GAK: variants seen among roughly 807,000 people sequenced by gnomAD.
The protein encoded by GAK is cyclin G associated kinase.
GAK carries 79 observed loss-of-function variants against 143.9 expected under a neutral mutation model. The ratio of observed to expected loss-of-function variants is 0.55; its 90% confidence interval spans 0.46 to 0.66. The LOEUF is 0.66. Among genes scored for constraint, GAK ranks in the 30% least tolerant of loss-of-function variants. The pLI is 0.00. For missense variants in GAK, 1,693 were observed against 1,779.7 expected (o/e 0.95, Z 0.88); for synonymous variants, 881 against 765.5 (o/e 1.15, Z -2.49).
intron 3 of GAK, chr4:912,040 C>T (rs761721229): frequency 4.0e-5 from 20 of 497,194 alleles, no homozygotes; most frequent in South Asian, 1.6e-4. Flanking sequence ...CTGACCACAG[C>T]GACACCAAAG....
In GAK at chr4:898,049, G is replaced by C; in HGVS notation, c.635C>G (p.Ala212Gly). The C allele has an allele frequency of 1.2e-6, 2 of 1,613,324 alleles. No homozygotes were observed. The highest frequency in any genetic ancestry group is 1.7e-6 in the Non-Finnish European group (2 of 1,179,686). ...TCAGCTCACCTCTTCCTCCACCAGG[G>C]CTCGCCTCTGGGCGCTCCAGCTGTA... is the stretch of plus-strand genomic sequence containing the variant. ...PDYSWSAQRRALVEEEITRNT... is the reference protein window; with the variant it reads ...PDYSWSAQRRGLVEEEITRNT... The change falls in exon 6 of 28, where the codon GCC becomes GGC. Residue 212 changes from alanine (A) to glycine (G), a missense_variant. Ala to Gly is a moderately conservative substitution (Grantham distance 60, BLOSUM62 0). Around this residue, in one of 2 missense-constraint regions of GAK, gnomAD observed 871 missense variants for 991.0 expected, o/e 0.88. Transcript: ENST00000314167.
In GAK at chr4:904,618, G is replaced by A. The variant is rs377213812; in HGVS notation, c.525+19C>T. 36 of 1,555,360 alleles carry A rather than the reference G, an allele frequency of 2.3e-5. No homozygotes were observed. The Middle Eastern group carries it at 6.1e-4, about 26-fold the overall frequency. ...CGCACACAGAGGCCTTGGCAGCCGCGTGTGGAGGGAGCCACTACCTTGAGG... is the reference window on the plus strand; with the variant it reads ...CGCACACAGAGGCCTTGGCAGCCGCATGTGGAGGGAGCCACTACCTTGAGG... On this transcript the variant is annotated intron_variant, in intron 5 of 27. Transcript: ENST00000314167.
At chr4:899,588 T>C (rs1719473640) in intron 5 of GAK, among the ~76,000 whole-genome samples, 1 of 114,806 alleles carries the variant, frequency 8.7e-6, no homozygotes, top group Admixed American at 8.6e-5. Context: ...TAAGCCAGCC[T>C]CATCGACAGG....
intron 12 of GAK, among the ~76,000 whole-genome samples, 190 bp downstream of exon 12, chr4:883,847 T>TC (rs1166929968): frequency 6.6e-6 from 1 of 152,212 alleles, no homozygotes; most frequent in Non-Finnish European, 1.5e-5. Context: ...GCTGACCCTG[T>TC]CCACTGCTGC....
chr4:929,084 GGGAGGAAGCCTCCAAAAGCCATGTCAA>G (rs1725279359), intron 1 of GAK, among the ~76,000 whole-genome samples: 2 of 152,208 alleles, frequency 1.3e-5, no homozygotes, highest in African/African-American at 4.8e-5. Context: ...AGTAAGTGAA[GGGAGGAAGCCTCCAAAAGCCATGTCAA>G]GGAGGAAGAA....
chr4:892,499 G>C (rs1171543969), intron 9 of GAK, among the ~76,000 whole-genome samples: 1 of 152,192 alleles, frequency 6.6e-6, no homozygotes, highest in Non-Finnish European at 1.5e-5. Context: ...TCTGAGGAAA[G>C]CATCTTCCAG....
At chr4:867,462 G>A (rs775186116) in intron 20 of GAK, 30 bp from the exon 21 acceptor site, 2 of 1,487,006 alleles carry the variant, frequency 1.3e-6, no homozygotes, top group African/African-American at 1.4e-5. Flanking sequence ...CCACAGGCTA[G>A]TGAGACCACA....
At position 888,947 on chromosome 4, in the gene GAK, G is replaced by C. The variant is rs1236625997; in HGVS notation, c.1105C>G (p.Gln369Glu). 3.1e-6 allele frequency: 5 copies of C among 1,611,844 alleles called. No individual in the cohort carries two copies. The Admixed American group carries it at 8.3e-5, about 27-fold the overall frequency. ...SGGLALAEYDQPYGGFLDILR... is the reference protein window; with the variant it reads ...SGGLALAEYDEPYGGFLDILR... Reference sequence around the variant, plus strand: ...ATGTCCAGGAAGCCGCCATACGGCTGGTCGTACTCCGCCAGCGCCAGGCCT... The same window carrying C: ...ATGTCCAGGAAGCCGCCATACGGCTCGTCGTACTCCGCCAGCGCCAGGCCT... Residue 369 changes from glutamine (Q) to glutamate (E), a missense_variant, in exon 11 of 28, where the codon CAG (glutamine) becomes GAG (glutamate). Gln to Glu is a conservative substitution (Grantham distance 29). Transcript: ENST00000314167.
intron 5 of GAK, among the ~76,000 whole-genome samples, chr4:901,271 A>G (rs3755961): frequency 0.1 from 15,615 of 151,502 alleles, 913 homozygotes; most frequent in South Asian, 0.19. Context: ...CAGGGCACAC[A>G]GGGAGAGCCA....
chr4:888,819 G>A (rs377557108), intron 11 of GAK, 28 bp downstream of exon 11: 1 of 1,587,834 alleles, frequency 6.3e-7, no homozygotes, highest in Admixed American at 1.8e-5. Context: ...CGTGCGGCAG[G>A]TCCAGGGCTC....
At chr4:854,952 G>C (rs1169090353) in intron 24 of GAK, among the ~76,000 whole-genome samples, 4 of 152,220 alleles carry the variant, frequency 2.6e-5, no homozygotes, top group Non-Finnish European at 5.9e-5. Context: ...GGCTGAGGCA[G>C]GAGAATGGCG....
chr4:850,141 G>GC (rs1747861466), intron 26 of GAK, 73 bp from the exon 27 acceptor site: 1 of 1,411,816 alleles, frequency 7.1e-7, no homozygotes, highest in Non-Finnish European at 9.5e-7. Context: ...GGAAACTGAG[G>GC]CACGACGCTG....
intron 1 of GAK, among the ~76,000 whole-genome samples, chr4:925,020 C>A (rs1424443568): frequency 6.6e-6 from 1 of 152,094 alleles, no homozygotes; most frequent in African/African-American, 2.4e-5. Context: ...TGAGATCACA[C>A]CCCTGTACTA....
chr4:853,108 G>C (rs79263096), intron 24 of GAK: 5,292 of 152,270 alleles, frequency 0.035, 185 homozygotes, highest in East Asian at 0.19. Flanking sequence ...GGGATGGTAG[G>C]TGTGAGCCAC....
At chr4:852,018 A>G (rs1037624284) in intron 24 of GAK, 44 bp from the exon 25 acceptor site, 3 of 1,474,418 alleles carry the variant, frequency 2.0e-6, no homozygotes, top group Admixed American at 1.8e-5. Flanking sequence ...GTTGTCCATG[A>G]GGGGCAACTA....
Position 870,721 on chromosome 4 carries a change from C to T in GAK, c.2238G>A (p.Leu746=), listed in dbSNP as rs1420640830. 1 of 1,613,934 alleles carries T rather than the reference C, an allele frequency of 6.2e-7. No individual in the cohort carries two copies. The highest frequency in any genetic ancestry group is 8.5e-7 in the Non-Finnish European group (1 of 1,179,956). ...CCTGCGGGATCTTACCAAACTTAGACAGAATGTCTTGCTGCTCCTCCCGGC... is the reference window on the plus strand; with the variant it reads ...CCTGCGGGATCTTACCAAACTTAGATAGAATGTCTTGCTGCTCCTCCCGGC... ...FSSREEQQDI[L]SKFGKPELPR... is the part of the protein sequence containing the mutation. Residue 746 remains leucine, a synonymous_variant, in exon 19 of 28, where the codon CTG becomes CTA. Transcript: ENST00000314167.
chr4:856,359 TCACCACAGCTGCTCAC>T (rs1560280645), intron 24 of GAK, among the ~76,000 whole-genome samples: 1 of 118,180 alleles, frequency 8.5e-6, no homozygotes, highest in African/African-American at 4.2e-5. Context: ...TCACACCTGC[TCACCACAGCTGCTCAC>T]CACAGCTGCT....
intron 5 of GAK, among the ~76,000 whole-genome samples, chr4:900,694 G>A (rs1162378659): frequency 3.9e-5 from 6 of 152,172 alleles, no homozygotes. Context: ...GGCCTCAGGC[G>A]CATGGGTTTC....
chr4:849,960 C>T lies in GAK; in HGVS notation c.3766G>A (p.Asp1256Asn), dbSNP rs747832856. 49 of 1,611,652 alleles carry T rather than the reference C, an allele frequency of 3.0e-5. No homozygotes were observed. The highest frequency in any genetic ancestry group is 3.7e-5 in the Non-Finnish European group (44 of 1,179,376). Residue 1256 changes from aspartate (D) to asparagine (N), a missense_variant, in exon 27 of 28, where the codon GAC (aspartate) becomes AAC (asparagine). This residue lies in a region of GAK where 822 missense variants were observed against 788.7 expected (regional missense o/e 1.04). Transcript: ENST00000314167. Reference protein sequence around the residue: ...ESRWTPVGMADLVAPEQVKKH... With the variant: ...ESRWTPVGMANLVAPEQVKKH... ...TTCACTTGCTCCGGAGCCACCAGGT[C>T]GGCCATGCCCACGGGCGTCCAGCGG...
Sources: gnomAD v4.1 joint callset for allele counts (sites outside exome capture counted in the v4.1 genomes callset) on GRCh38, gnomAD v4.1.1 for gene constraint, gnomAD v4.1.1 regional missense constraint, MANE v1.5 for transcripts, NCBI Gene and HGNC (gene_info 2026-07-23, HGNC 2026-07-21) for gene names.